The following KLC3 variants were observed in gnomAD, a reference collection of about 807,000 sequenced individuals.
KLC3 encodes kinesin light chain 3, also known as kinesin light chain 2.
KLC3 carries 72 observed loss-of-function variants against 62.9 expected under a neutral mutation model. That is an observed-to-expected ratio of 1.15 (90% confidence interval 0.95 to 1.39). KLC3 has a LOEUF of 1.39. KLC3 is among the 40% of genes most tolerant of loss of function. The pLI is 0.00. For synonymous variants in KLC3, 377 were observed against 300.5 expected, an observed-to-expected ratio of 1.25 and a Z score of -2.63; for missense variants, 848 against 691.6, an observed-to-expected ratio of 1.23 and a Z score of -2.54.
In KLC3 at chr19:45,350,944, C is replaced by T; in HGVS notation, c.1380-10C>T. The T allele has an allele frequency of 6.2e-7, 1 of 1,613,946 alleles. No individual in the cohort carries two copies. Among genetic ancestry groups the T allele is most frequent in the Non-Finnish European group, 8.5e-7 (1 of 1,179,854 alleles). On this transcript the variant is annotated splice_polypyrimidine_tract_variant and intron_variant, in intron 11 of 12. Coordinates refer to ENST00000391946, the MANE Select transcript of KLC3 (RefSeq NM_177417.3). ...ATTCACTCATTTCCTCCCTGCTGCC[C>T]TCTTTGCAGAATGAAGAGAGCCATG... is the stretch of plus-strand genomic sequence containing the variant.
intron 1 of KLC3, among the ~76,000 whole-genome samples, chr19:45,342,531 G>A (rs1437719476): frequency 6.6e-6 from 1 of 152,124 alleles, no homozygotes; most frequent in Non-Finnish European, 1.5e-5. Flanking sequence ...AGGCCAAGGG[G>A]GGAGCGGGTG....
intron 9 of KLC3, 37 bp from the exon 10 acceptor site, chr19:45,350,477 A>C: frequency 6.2e-7 from 1 of 1,612,356 alleles, no homozygotes. Flanking sequence ...TGGCTTCTCT[A>C]TGTCCCCATC....
At position 45,350,550 on chromosome 19, in the gene KLC3, AG is replaced by A. The variant is rs1971688957; in HGVS notation, c.1272+1del. 1 of 1,613,796 alleles carries A rather than the reference AG, an allele frequency of 6.2e-7. No individual in the cohort carries two copies. The highest frequency in any genetic ancestry group is 1.7e-5 in the Admixed American group (1 of 59,984). On this transcript the variant is annotated frameshift_variant and splice_region_variant, in exon 10 of 13. Coordinates refer to ENST00000391946, the MANE Select transcript of KLC3 (RefSeq NM_177417.3). LOFTEE classifies it high-confidence loss of function. ...ACAGGCACAGCTGGTGACGCAGAAC[AG>A]GTGAGGATGGGCTGTGCTTCGGCTC... ...PNTGTAGDAE[Q>X]ALRRSSSLSK...
At chr19:45,346,395 C>T in intron 2 of KLC3, 149 bp from the exon 3 acceptor site, 1 of 730,154 alleles carries the variant, frequency 1.4e-6, no homozygotes. Context: ...TCTGAGGGCA[C>T]TGGGGCCATG....
At chr19:45,345,317 TAGACA>T in intron 1 of KLC3, 1 of 638,764 alleles carries the variant, frequency 1.6e-6, no homozygotes, top group East Asian at 2.8e-5. Flanking sequence ...CAGACGAAGG[TAGACA>T]AGACTGTTCC....
chr19:45,349,693 G>GGGTGGGGT, intron 8 of KLC3, 91 bp downstream of exon 8: 1 of 993,824 alleles, frequency 1.0e-6, no homozygotes, highest in Non-Finnish European at 1.4e-6. Flanking sequence ...AGCAACGTGA[G>GGGTGGGGT]GGTGGGGGGG....
intron 1 of KLC3, among the ~76,000 whole-genome samples, chr19:45,343,615 G>A (rs777209890): frequency 2.6e-5 from 4 of 152,268 alleles, no homozygotes; most frequent in Admixed American, 6.5e-5. Flanking sequence ...GATTACAGGC[G>A]TGAGCCACCG....
chr19:45,349,782 G>GTT (rs1314850880), intron 8 of KLC3, 180 bp downstream of exon 8: 1 of 600,454 alleles, frequency 1.7e-6, no homozygotes, highest in African/African-American at 1.9e-5. Flanking sequence ...CAGGAAACGC[G>GTT]TAAGTCCACG....
chr19:45,344,565 G>A lies in KLC3; in HGVS notation c.-8-969G>A, dbSNP rs112362980. On this transcript the variant is annotated intron_variant, in intron 1 of 12. Coordinates refer to ENST00000391946, the MANE Select transcript of KLC3 (RefSeq NM_177417.3). ...GGAGAGTGCGTGTGTGTGTCAAATT[G>A]TATTTCGGAGAGGAAAATGTGTATG... 3.7e-3 allele frequency among the ~76,000 whole-genome samples: 566 copies of A among 152,148 alleles called. 3 individuals carry two copies. Among genetic ancestry groups the A allele is most frequent in the African/African-American group, 0.012 (493 of 41,514 alleles).
In KLC3 at chr19:45,351,239, A is replaced by G. The variant is rs1971753940; in HGVS notation, c.1444-47A>G. 7 of 1,584,762 alleles carry G rather than the reference A, an allele frequency of 4.4e-6. No homozygotes were observed. The East Asian group carries it at 1.6e-4, about 35-fold the overall frequency. On this transcript the variant is annotated intron_variant, in intron 12 of 12. Coordinates refer to ENST00000391946, the MANE Select transcript of KLC3 (RefSeq NM_177417.3). Reference sequence around the variant, plus strand: ...CCTGGAGCTGGAGGGTGGATGTAACACTTGCCCCTCACCTCCCCTCCAACC... The same window carrying G: ...CCTGGAGCTGGAGGGTGGATGTAACGCTTGCCCCTCACCTCCCCTCCAACC...
At chr19:45,347,414 C>T (rs1971528959) in intron 3 of KLC3, 33 bp from the exon 4 acceptor site, 3 of 1,569,566 alleles carry the variant, frequency 1.9e-6, no homozygotes, top group East Asian at 2.3e-5. Context: ...CAAGCCCCCA[C>T]CACCCCGGCC....
intron 5 of KLC3, 29 bp downstream of exon 5, chr19:45,348,189 G>A (rs1281365215): frequency 6.6e-7 from 1 of 1,526,512 alleles, no homozygotes; most frequent in Non-Finnish European, 8.9e-7. Context: ...CATGGCTGGG[G>A]GCAGGAACGG....
At position 45,348,634 on chromosome 19, in the gene KLC3, C is replaced by T. The variant is rs772087452; in HGVS notation, c.780-12C>T. 3.0e-5 allele frequency: 47 copies of T among 1,562,248 alleles called. No individual in the cohort carries two copies. Among genetic ancestry groups the T allele is most frequent in the African/African-American group, 1.8e-4 (13 of 73,392 alleles). On this transcript the variant is annotated splice_polypyrimidine_tract_variant and intron_variant, in intron 5 of 12. Coordinates refer to ENST00000391946, the MANE Select transcript of KLC3 (RefSeq NM_177417.3). ...TGGCTAACCCCCTCCATTCCTGGGG[C>T]GCCCCCCACAGGGACCAGAACAAGT...
Position 45,350,325 on chromosome 19 carries a change from A to C in KLC3, c.1144-16A>C, listed in dbSNP as rs763911001. 9.9e-6 allele frequency: 16 copies of C among 1,610,010 alleles called. No individual in the cohort carries two copies. Among genetic ancestry groups the C allele is most frequent in the South Asian group, 4.4e-5 (4 of 90,962 alleles). On this transcript the variant is annotated splice_polypyrimidine_tract_variant and intron_variant, in intron 8 of 12. Transcript: ENST00000391946. ...ACTGGGGTCCGAAAAGTTCCCAGAC[A>C]CTCCCTTCTCCGCAGGCCTCAGCCT...
Position 45,345,640 on chromosome 19 carries a change from G to A in KLC3, c.99G>A (p.Gly33=). Residue 33 remains glycine, a synonymous_variant, in exon 2 of 13, where the codon GGG becomes GGA. Coordinates refer to ENST00000391946, the MANE Select transcript of KLC3 (RefSeq NM_177417.3). ...LVRQTRQVVQ[G]LEALRAEHHG... ...GGCAGACGCGGCAAGTGGTCCAGGG[G>A]CTGGAGGCGCTGCGGGCAGAGCACC... The A allele has an allele frequency of 1.9e-6, 3 of 1,584,276 alleles. No homozygotes were observed. In the East Asian group the frequency reaches 6.9e-5, roughly 36 times the overall value.
chr19:45,350,786 G>T, intron 11 of KLC3, 39 bp downstream of exon 11: 1 of 1,562,670 alleles, frequency 6.4e-7, no homozygotes, highest in Non-Finnish European at 8.7e-7. Flanking sequence ...CCTGACATCA[G>T]CAGAATCCAC....
At chr19:45,346,905 G>A (rs1369545519) in intron 3 of KLC3, 131 bp downstream of exon 3, 1 of 813,082 alleles carries the variant, frequency 1.2e-6, no homozygotes, top group Non-Finnish European at 1.9e-6. Context: ...ACCCTCCTTA[G>A]AATGCCACAG....
Position 45,349,421 on chromosome 19 carries a change from G to C in KLC3, c.970-8G>C. On this transcript the variant is annotated splice_polypyrimidine_tract_variant and splice_region_variant and intron_variant, in intron 7 of 12. Coordinates refer to ENST00000391946, the MANE Select transcript of KLC3 (RefSeq NM_177417.3). ...TGATCCCTCTGACTTGTGACCCCTG[G>C]CCCCCAGGTCCTGGGTGCTGACCAC... The C allele has an allele frequency of 6.3e-7, 1 of 1,596,512 alleles. No individual in the cohort carries two copies. Among genetic ancestry groups the C allele is most frequent in the Non-Finnish European group, 8.6e-7 (1 of 1,169,204 alleles).
chr19:45,344,116 G>A lies in KLC3; in HGVS notation c.-8-1418G>A, dbSNP rs115660351. 3.1e-3 allele frequency among the ~76,000 whole-genome samples: 464 copies of A among 151,504 alleles called. 1 individual carries two copies. The highest frequency in any genetic ancestry group is 0.011 in the African/African-American group (441 of 41,206). ...CAAAGTGCTCGGAGTACAGGTGTGA[G>A]CCACCGCACCCGGCCTACATTGTGT... On this transcript the variant is annotated intron_variant, in intron 1 of 12. Coordinates refer to ENST00000391946, the MANE Select transcript of KLC3 (RefSeq NM_177417.3).
Sources: gnomAD v4.1 joint callset for allele counts (sites outside exome capture counted in the v4.1 genomes callset) on GRCh38, gnomAD v4.1.1 for gene constraint, MANE v1.5 for transcripts, NCBI Gene and HGNC (gene_info 2026-07-23, HGNC 2026-07-21) for gene names.